The following DST variants were observed in gnomAD, a reference collection of about 807,000 sequenced individuals.
The protein encoded by DST is bullous pemphigoid antigen.
DST carries 253 observed loss-of-function variants against 875.2 expected under a neutral mutation model. The observed-to-expected ratio is 0.29, with a 90% CI of 0.26 to 0.32. The LOEUF (loss-of-function observed/expected upper bound fraction) is 0.32, where lower values mean the gene tolerates loss of function less well. DST is among the 10% of genes least tolerant of loss of function. The probability of loss-of-function intolerance (pLI) is 1.00; values close to 1 mark genes in which losing one functional copy is unlikely to be tolerated. For missense variants in DST, 8,287 were observed against 9,111.6 expected, an observed-to-expected ratio of 0.91 and a Z score of 3.68; for synonymous variants, 3,124 against 3,197.1, an observed-to-expected ratio of 0.98 and a Z score of 0.77.
chr6:56,594,418 C>G (rs1368389475), intron 47 of DST, among the ~76,000 whole-genome samples: 3 of 152,166 alleles, frequency 2.0e-5, no homozygotes, highest in Non-Finnish European at 4.4e-5. Flanking sequence ...TTCCAATCTT[C>G]TCTATGTACT....
intron 72 of DST, among the ~76,000 whole-genome samples, chr6:56,515,244 A>G (rs1171435322): frequency 8.1e-6 from 1 of 123,706 alleles, no homozygotes; most frequent in Admixed American, 8.7e-5. Context: ...GTAATTAATG[A>G]CATATACAAC....
chr6:56,833,444 A>T (rs1055079873), intron 4 of DST, among the ~76,000 whole-genome samples: 3 of 152,240 alleles, frequency 2.0e-5, no homozygotes, highest in African/African-American at 7.2e-5. Flanking sequence ...TACATTTTAA[A>T]AGAAGTAATT....
Position 56,763,684 on chromosome 6 carries a change from TACACACAC to T in DST, c.626-28403_626-28396del, listed in dbSNP as rs553580754. 5.7e-3 allele frequency among the ~76,000 whole-genome samples: 669 copies of T among 117,086 alleles called. 17 individuals are homozygous for T. The East Asian group carries it at 0.087, about 15-fold the overall frequency. 76.8% of individuals were successfully genotyped at this position (117,086 alleles called of 152,430 possible). ...TCCTCTTAAAAAAAAAAAATACCTA[TACACACAC>T]ACACACACACACACACACACACACA... On this transcript the variant is annotated intron_variant, in intron 4 of 103. Transcript: ENST00000680361.
chr6:56,787,663 T>C (rs1298766024), intron 4 of DST, among the ~76,000 whole-genome samples: 3 of 152,218 alleles, frequency 2.0e-5, no homozygotes, highest in Non-Finnish European at 1.5e-5. Flanking sequence ...TAGTGATTAA[T>C]TATGTTTGAG....
chr6:56,806,530 G>A (rs1342072252), intron 4 of DST, among the ~76,000 whole-genome samples: 2 of 152,200 alleles, frequency 1.3e-5, no homozygotes, highest in Non-Finnish European at 2.9e-5. Flanking sequence ...AGAATGAATG[G>A]TAGTGTGGAG....
intron 72 of DST, among the ~76,000 whole-genome samples, chr6:56,515,166 T>C (rs974347918): frequency 5.3e-5 from 8 of 152,134 alleles, no homozygotes; most frequent in Admixed American, 5.2e-4. Flanking sequence ...CTTAATCCTA[T>C]AACATTTTTA....
At chr6:56,816,842 C>G in intron 4 of DST, among the ~76,000 whole-genome samples, 1 of 148,876 alleles carries the variant, frequency 6.7e-6, no homozygotes, top group East Asian at 1.9e-4. Context: ...TTTTTCTATG[C>G]TCTTCAGAAT....
At chr6:56,859,111 C>G (rs972243441) in intron 3 of DST, among the ~76,000 whole-genome samples, 1 of 152,138 alleles carries the variant, frequency 6.6e-6, no homozygotes, top group African/African-American at 2.4e-5. Context: ...AGGCCCAAAG[C>G]ATGGAAATGA....
intron 9 of DST, chr6:56,692,681 TC>T: frequency 7.8e-7 from 1 of 1,289,816 alleles, no homozygotes; most frequent in Non-Finnish European, 1.0e-6. Flanking sequence ...AAATGTTTCT[TC>T]CTCTTTGCGC....
chr6:56,486,999 G>C, intron 87 of DST, 105 bp downstream of exon 87: 1 of 1,090,780 alleles, frequency 9.2e-7, no homozygotes. Context: ...AGTTCCTCAG[G>C]CAAAGGAAAT....
chr6:56,655,023 T>G (rs1351838041), intron 10 of DST, among the ~76,000 whole-genome samples: 1 of 151,852 alleles, frequency 6.6e-6, no homozygotes, highest in Non-Finnish European at 1.5e-5. Context: ...TAGCCAGGCA[T>G]GGTGTCGGGT....
In DST at chr6:56,614,276, A is replaced by T. The variant is rs2098589381; in HGVS notation, c.5058+80T>A. 2.3e-6 allele frequency: 3 copies of T among 1,298,732 alleles called. No homozygotes were observed. In the East Asian group the frequency reaches 7.6e-5, roughly 33 times the overall value. The allele number at this position is 1,298,732 out of a possible 1,614,324, so 80.5% of individuals were successfully genotyped here. On this transcript the variant is annotated intron_variant, in intron 37 of 103. Coordinates refer to ENST00000680361, the MANE Select transcript of DST (RefSeq NM_001374736.1). ...GGGAAAATTAAGGTAAAAATTAAAC[A>T]TTGTGCTAGGTAAACTGTGTCAACT... is the stretch of plus-strand genomic sequence containing the variant.
At chr6:56,655,791 C>T (rs914759006) in intron 10 of DST, among the ~76,000 whole-genome samples, 15 of 152,154 alleles carry the variant, frequency 9.9e-5, no homozygotes, top group African/African-American at 3.4e-4. Flanking sequence ...GACTCGGTTC[C>T]ACCACCATTT....
chr6:56,914,993 G>A (rs2127724864), intron 2 of DST, among the ~76,000 whole-genome samples: 1 of 152,320 alleles, frequency 6.6e-6, no homozygotes, highest in African/African-American at 2.4e-5. Context: ...CCAGAGCTCA[G>A]CTTCTCTCAG....
intron 17 of DST, among the ~76,000 whole-genome samples, chr6:56,641,115 C>CACAGAG (rs2098894762): frequency 7.0e-6 from 1 of 142,546 alleles, no homozygotes; most frequent in Admixed American, 7.1e-5. Flanking sequence ...TATTTATGCA[C>CACAGAG]AGAGAGAGAG....
chr6:56,670,755 C>T lies in DST; in HGVS notation c.1100G>A (p.Arg367Lys), dbSNP rs2099096950. Residue 367 changes from arginine to lysine, a missense_variant, in exon 10 of 104, where the codon AGA (arginine) becomes AAA (lysine). Arg to Lys is a conservative substitution (Grantham distance 26). Around this residue, in one of 10 missense-constraint regions of DST, gnomAD observed 1,160 missense variants for 1,424.3 expected, o/e 0.81. Transcript: ENST00000680361. ...TGCCTGCTGCGTCCAGAGTAGCAATCTCTCTTTTGCAGACATATCCTCTGA... is the reference window on the plus strand; with the variant it reads ...TGCCTGCTGCGTCCAGAGTAGCAATTTCTCTTTTGCAGACATATCCTCTGA... Reference protein sequence around the residue: ...GESEDMSAKERLLLWTQQATE... With the variant: ...GESEDMSAKEKLLLWTQQATE... The T allele has an allele frequency of 6.2e-7, 1 of 1,609,708 alleles. No individual in the cohort carries two copies. Among genetic ancestry groups the T allele is most frequent in the African/African-American group, 1.3e-5 (1 of 74,782 alleles).
intron 5 of DST, among the ~76,000 whole-genome samples, chr6:56,707,411 A>G (rs2099345315): frequency 1.3e-5 from 2 of 152,258 alleles, no homozygotes; most frequent in Non-Finnish European, 2.9e-5. Context: ...GATTATATTT[A>G]TATAAACAAT....
At position 56,608,770 on chromosome 6, in the gene DST, G is replaced by A. The variant is rs200872354; in HGVS notation, c.5858C>T (p.Pro1953Leu). The change falls in exon 40 of 104, where the codon CCA (proline) becomes CTA (leucine). Residue 1953 changes from proline to leucine, a missense_variant. Physicochemically the swap from Pro to Leu is moderately conservative, Grantham distance 98. Coordinates refer to ENST00000680361, the MANE Select transcript of DST (RefSeq NM_001374736.1). The stretch of plus-strand genomic sequence containing the variant: ...TAATGTTATTCTACCTCCTTCTTGT[G>A]GTCTCACAGGTAGAAGCCACATCCC... ...NTGMWLLPVRPQEGGRITLKC... is the reference protein window; with the variant it reads ...NTGMWLLPVRLQEGGRITLKC... The A allele has an allele frequency of 3.3e-4, 533 of 1,609,212 alleles. 1 individual carries two copies. The highest frequency in any genetic ancestry group is 3.9e-4 in the Non-Finnish European group (463 of 1,177,462).
chr6:56,523,114 A>G (rs2096737318), intron 69 of DST, among the ~76,000 whole-genome samples: 1 of 152,134 alleles, frequency 6.6e-6, no homozygotes, highest in Admixed American at 6.6e-5. Flanking sequence ...TCCTAAAAGT[A>G]ATGAATGGGC....
Sources: gnomAD v4.1 joint callset for allele counts (sites outside exome capture counted in the v4.1 genomes callset) on GRCh38, gnomAD v4.1.1 for gene constraint, gnomAD v4.1.1 regional missense constraint, MANE v1.5 for transcripts, NCBI Gene and HGNC (gene_info 2026-07-23, HGNC 2026-07-21) for gene names.